Variants in TMEM178B observed in about 807,000 individuals in gnomAD.
TMEM178B encodes the protein transmembrane protein 178B.
A neutral mutation model predicts 31.0 loss-of-function variants in TMEM178B; 5 were observed. The ratio of observed to expected loss-of-function variants is 0.16; its 90% CI spans 0.08 to 0.34. The LOEUF is 0.34. TMEM178B is among the 10% of genes least tolerant of loss of function. The pLI is 1.00. For missense variants in TMEM178B, 275 were observed against 400.3 expected, an observed-to-expected ratio of 0.69 and a Z score of 2.67; for synonymous variants, 164 against 164.0, an observed-to-expected ratio of 1.00 and a Z score of 0.00.
chr7:141,363,177 G>GA (rs1799946745), intron 2 of TMEM178B, among the ~76,000 whole-genome samples: 1 of 152,222 alleles, frequency 6.6e-6, no homozygotes, highest in South Asian at 2.1e-4. Context: ...GTGTTAATGT[G>GA]AGTCAGCATG....
At chr7:141,384,953 C>T (rs1376658306) in intron 2 of TMEM178B, among the ~76,000 whole-genome samples, 1 of 152,090 alleles carries the variant, frequency 6.6e-6, no homozygotes, top group African/African-American at 2.4e-5. Context: ...TACTCATCTT[C>T]TCTTATGGAG....
chr7:141,494,067 C>T, the TMEM178B span, among the ~76,000 whole-genome samples: 3 of 152,078 alleles, frequency 2.0e-5, no homozygotes, highest in Non-Finnish European at 4.4e-5. Flanking sequence ...CTAACTAACA[C>T]GATTATTTTA....
intron 2 of TMEM178B, among the ~76,000 whole-genome samples, chr7:141,284,747 G>A (rs1440453119): frequency 6.6e-6 from 1 of 152,132 alleles, no homozygotes; most frequent in Non-Finnish European, 1.5e-5. Context: ...CAACACTACT[G>A]TCTGTTCAAA....
intron 1 of TMEM178B, among the ~76,000 whole-genome samples, chr7:141,086,113 G>GCAAC (rs1178438869): frequency 6.6e-6 from 1 of 152,022 alleles, no homozygotes; most frequent in Non-Finnish European, 1.5e-5. Flanking sequence ...CTTGCTCACT[G>GCAAC]CAACCTCCAT....
intron 1 of TMEM178B, among the ~76,000 whole-genome samples, chr7:141,178,146 A>G (rs1796463584): frequency 6.6e-6 from 1 of 152,140 alleles, no homozygotes; most frequent in African/African-American, 2.4e-5. Flanking sequence ...GGTGGTGACA[A>G]ATCTCTCTGC....
intron 2 of TMEM178B, among the ~76,000 whole-genome samples, chr7:141,432,172 T>TTTTTTTTTTTTTTTTTTC (rs1801445834): frequency 1.2e-5 from 1 of 80,782 alleles, no homozygotes; most frequent in Non-Finnish European, 2.5e-5. Flanking sequence ...TTTTTTTTTT[T>TTTTTTTTTTTTTTTTTTC]TTGAGACGGA....
intron 2 of TMEM178B, among the ~76,000 whole-genome samples, chr7:141,314,068 C>A (rs139586183): frequency 6.6e-6 from 1 of 152,224 alleles, no homozygotes; most frequent in African/African-American, 2.4e-5. Context: ...GCCTCTGCCT[C>A]GGCTGAGTAT....
intron 1 of TMEM178B, among the ~76,000 whole-genome samples, chr7:141,082,901 G>T (rs1269326908): frequency 6.6e-6 from 1 of 152,206 alleles, no homozygotes; most frequent in African/African-American, 2.4e-5. Context: ...ACAAAGTCTA[G>T]AGCCTTTTTT....
intron 1 of TMEM178B, among the ~76,000 whole-genome samples, chr7:141,115,094 A>G (rs572835281): frequency 3.9e-5 from 6 of 152,030 alleles, no homozygotes; most frequent in African/African-American, 1.2e-4. Flanking sequence ...CCAGGCTGGA[A>G]TGCAGTGGCG....
intron 2 of TMEM178B, among the ~76,000 whole-genome samples, chr7:141,430,923 C>T (rs1185667040): frequency 6.6e-6 from 1 of 152,134 alleles, no homozygotes; most frequent in Non-Finnish European, 1.5e-5. Flanking sequence ...CAGCTAACAC[C>T]CTCCTGCTTT....
chr7:141,332,439 A>G (rs1799314297), intron 2 of TMEM178B, among the ~76,000 whole-genome samples: 1 of 152,244 alleles, frequency 6.6e-6, no homozygotes, highest in Non-Finnish European at 1.5e-5. Flanking sequence ...CATTCAGACC[A>G]ATCAGCAGCC....
intron 3 of TMEM178B, among the ~76,000 whole-genome samples, chr7:141,443,755 G>A (rs141415503): frequency 1.3e-5 from 2 of 152,308 alleles, no homozygotes; most frequent in African/African-American, 4.8e-5. Flanking sequence ...CGATGGAGAT[G>A]CTCCTGTAGG....
chr7:141,310,975 G>T (rs1250512801), intron 2 of TMEM178B, among the ~76,000 whole-genome samples: 2 of 152,152 alleles, frequency 1.3e-5, no homozygotes, highest in Non-Finnish European at 2.9e-5. Flanking sequence ...GCCATAAAAA[G>T]GAATGAGATC....
In TMEM178B at chr7:141,251,022, G is replaced by A. The variant is rs186894531; in HGVS notation, c.496+38318G>A. Among the ~76,000 whole-genome samples the A allele has an allele frequency of 4.6e-5, 7 of 152,102 alleles. No individual in the cohort carries two copies. In the East Asian group the frequency reaches 7.8e-4, roughly 17 times the overall value. On this transcript the variant is annotated intron_variant, in intron 2 of 3. Coordinates refer to ENST00000565468, the MANE Select transcript of TMEM178B (RefSeq NM_001195278.2). ...CATTCAACTCTATGTTTCCCTAAAGGGTCAGCTATGCTCCAATGTACCTAA... is the reference window on the plus strand; with the variant it reads ...CATTCAACTCTATGTTTCCCTAAAGAGTCAGCTATGCTCCAATGTACCTAA...
intron 1 of TMEM178B, among the ~76,000 whole-genome samples, chr7:141,137,139 G>A (rs1325451043): frequency 1.3e-5 from 2 of 152,072 alleles, no homozygotes; most frequent in Non-Finnish European, 2.9e-5. Context: ...TAGCCATTAT[G>A]GAAAACAGTA....
At position 141,247,608 on chromosome 7, in the gene TMEM178B, G is replaced by T. The variant is rs191552134; in HGVS notation, c.496+34904G>T. Among the ~76,000 whole-genome samples, 3 of 152,220 alleles carry T rather than the reference G, an allele frequency of 2.0e-5. No homozygotes were observed. In the East Asian group the frequency reaches 5.8e-4, roughly 29 times the overall value. ...AGTAGGGAAAGGGAAAGAGGATGGA[G>T]CCATGCTTTGTCTTTGTATTTCTAG... On this transcript the variant is annotated intron_variant, in intron 2 of 3. Coordinates refer to ENST00000565468, the MANE Select transcript of TMEM178B (RefSeq NM_001195278.2).
chr7:141,433,234 T>G (rs566583830), intron 2 of TMEM178B, among the ~76,000 whole-genome samples: 2 of 152,312 alleles, frequency 1.3e-5, no homozygotes, highest in African/African-American at 4.8e-5. Flanking sequence ...GTGGCCAAGG[T>G]GATGTAGGAA....
At chr7:141,338,197 A>G (rs904264927) in intron 2 of TMEM178B, among the ~76,000 whole-genome samples, 8 of 152,194 alleles carry the variant, frequency 5.3e-5, no homozygotes, top group African/African-American at 1.7e-4. Context: ...TTAGAGCAAT[A>G]GAGGTATAAC....
In TMEM178B at chr7:141,205,272, A is replaced by G. The variant is rs144759221; in HGVS notation, c.383-7319A>G. On this transcript the variant is annotated intron_variant, in intron 1 of 3. Transcript: ENST00000565468. ...TAAAAACTCTTAAAGTCCTGCAATA[A>G]GGAAGCTGTTTATACTTTGTTTAAC... Among the ~76,000 whole-genome samples, 3 of 152,368 alleles carry G rather than the reference A, an allele frequency of 2.0e-5. No homozygotes were observed. The East Asian group carries it at 5.8e-4, about 29-fold the overall frequency.
Sources: allele counts gnomAD v4.1 joint callset (sites outside exome capture counted in the v4.1 genomes callset), GRCh38; gene constraint gnomAD v4.1.1; transcripts MANE v1.5; gene names NCBI Gene and HGNC (gene_info 2026-07-23, HGNC 2026-07-21).